Variants in DSG3 observed in about 807,000 individuals in gnomAD.
DSG3 encodes desmoglein 3, also known as desmoglein-3.
A neutral mutation model predicts 85.9 loss-of-function variants in DSG3; 63 were observed. The ratio of observed to expected loss-of-function variants is 0.73; its 90% confidence interval spans 0.60 to 0.90. The LOEUF (loss-of-function observed/expected upper bound fraction) is 0.90, where lower values mean the gene tolerates loss of function less well. Ranked by LOEUF, DSG3 falls within the 40% of genes least tolerant of loss-of-function variation. The pLI is 0.00. For synonymous variants in DSG3, 447 were observed against 441.9 expected (o/e 1.01, Z -0.14); for missense variants, 1,220 against 1,219.9 (o/e 1.00, Z 0.00).
chr18:31,460,743 T>C lies in DSG3; in HGVS notation c.685-90T>C. On this transcript the variant is annotated intron_variant, in intron 6 of 15. Coordinates refer to ENST00000257189, the MANE Select transcript of DSG3 (RefSeq NM_001944.3). ...AATGTCTTCTACATAAAATTGAATA[T>C]TTCTACCTCCTTACCCATAGGAATC... The C allele has an allele frequency of 9.1e-6, 11 of 1,206,794 alleles. 1 individual carries two copies. In the South Asian group the frequency reaches 1.7e-4, roughly 18 times the overall value. 74.8% of individuals were successfully genotyped at this position (1,206,794 alleles called of 1,614,324 possible).
At position 31,465,457 on chromosome 18, in the gene DSG3, G is replaced by A; in HGVS notation, c.1411G>A (p.Glu471Lys). 1.4e-6 allele frequency: 2 copies of A among 1,473,274 alleles called. No homozygotes were observed. The highest frequency in any genetic ancestry group is 1.8e-6 in the Non-Finnish European group (2 of 1,110,930). The allele number at this position is 1,473,274 out of a possible 1,614,324, so 91.3% of individuals were successfully genotyped here. A position where few individuals can be genotyped will look rare whatever the true frequency, so the allele number is the denominator to read the frequency against. The part of the protein sequence containing the change: ...TITAEVLAID[E>K]YTGKTSTGTV... Reference sequence around the variant, plus strand: ...CACAGCTGAGGTTCTGGCCATAGATGGTAAGAAAAATATTTGAATCATTTC... The same window carrying A: ...CACAGCTGAGGTTCTGGCCATAGATAGTAAGAAAAATATTTGAATCATTTC... Residue 471 changes from glutamate (E) to lysine (K), a missense_variant and splice_region_variant, in exon 10 of 16, where the codon GAA becomes AAA. Physicochemically the swap from Glu to Lys is moderately conservative, Grantham distance 56. Transcript: ENST00000257189.
intron 8 of DSG3, 124 bp downstream of exon 8, chr18:31,461,536 T>G (rs780915426): frequency 1.4e-5 from 14 of 967,252 alleles, no homozygotes; most frequent in Non-Finnish European, 2.1e-5. Flanking sequence ...AAAAGTAGAT[T>G]GAATTTTTTG....
At position 31,465,521 on chromosome 18, in the gene DSG3, G is replaced by C. The variant is rs899005929; in HGVS notation, c.1411+64G>C. 1.5e-5 allele frequency: 19 copies of C among 1,267,256 alleles called. No individual in the cohort carries two copies. In the African/African-American group the frequency reaches 2.8e-4, roughly 18 times the overall value. 78.5% of individuals were successfully genotyped at this position (1,267,256 alleles called of 1,614,324 possible). A position where few individuals can be genotyped will look rare whatever the true frequency, so the allele number is the denominator to read the frequency against. On this transcript the variant is annotated intron_variant, in intron 10 of 15. Transcript: ENST00000257189. ...CGTAATTGATGTTTCTTTATGCATAGATGATTATGATTATTCAACATATTA... is the reference window on the plus strand; with the variant it reads ...CGTAATTGATGTTTCTTTATGCATACATGATTATGATTATTCAACATATTA...
intron 5 of DSG3, 103 bp downstream of exon 5, chr18:31,459,280 A>G: frequency 5.3e-6 from 6 of 1,139,064 alleles, no homozygotes; most frequent in Non-Finnish European, 7.4e-6. Context: ...TCTTAGTTTA[A>G]TCAGTAGTTT....
intron 14 of DSG3, 52 bp from the exon 15 acceptor site, chr18:31,474,069 A>G: frequency 1.3e-6 from 2 of 1,557,746 alleles, no homozygotes; most frequent in Middle Eastern, 1.7e-4. Flanking sequence ...TTTTATAAAA[A>G]TGCAACAAAC....
chr18:31,450,042 GCATTTCA>G (rs1302573796), intron 1 of DSG3, among the ~76,000 whole-genome samples: 1 of 152,192 alleles, frequency 6.6e-6, no homozygotes, highest in Non-Finnish European at 1.5e-5. Flanking sequence ...TTGTTAAAAT[GCATTTCA>G]CCTTTTAAAA....
At position 31,460,891 on chromosome 18, in the gene DSG3, C is replaced by T; in HGVS notation, c.743C>T (p.Ser248Leu). The change falls in exon 7 of 16, where the codon TCA becomes TTA. Residue 248 changes from serine to leucine, a missense_variant. Coordinates refer to ENST00000257189, the MANE Select transcript of DSG3 (RefSeq NM_001944.3). ...SGADKDGEGL[S>L]TQCECNIKVK... The stretch of plus-strand genomic sequence containing the variant: ...GCAGACAAAGATGGAGAAGGACTAT[C>T]AACTCAATGTGAATGTAATATTAAA... 1.2e-6 allele frequency: 2 copies of T among 1,604,230 alleles called. No homozygotes were observed. The highest frequency in any genetic ancestry group is 2.3e-5 in the East Asian group (1 of 44,420).
At chr18:31,459,240 AAT>A in intron 5 of DSG3, 63 bp downstream of exon 5, 1 of 1,433,268 alleles carries the variant, frequency 7.0e-7, no homozygotes, top group Admixed American at 2.2e-5. Context: ...GTCCCACTAC[AAT>A]ATGTCATTCT....
Position 31,476,299 on chromosome 18 carries a change from T to C in DSG3, c.*39T>C. 3.8e-6 allele frequency: 6 copies of C among 1,559,658 alleles called. No individual in the cohort carries two copies. The highest frequency in any genetic ancestry group is 5.2e-6 in the Non-Finnish European group (6 of 1,153,896). On this transcript the variant is annotated 3_prime_UTR_variant, in exon 16 of 16. Transcript: ENST00000257189. ...GAATACCACACTGACCAAATCTGGATCTTTGGACTAAAGTATTCAAAATAG... is the reference window on the plus strand; with the variant it reads ...GAATACCACACTGACCAAATCTGGACCTTTGGACTAAAGTATTCAAAATAG...
In DSG3 at chr18:31,447,837, A is replaced by T; in HGVS notation, c.-41A>T. ...TGCAGACGGCTGGCAGGATAGAAGC[A>T]GCGGCTCACTTGGACTTTTTCACCA... is the stretch of plus-strand genomic sequence containing the variant. On this transcript the variant is annotated 5_prime_UTR_variant, in exon 1 of 16. Coordinates refer to ENST00000257189, the MANE Select transcript of DSG3 (RefSeq NM_001944.3). 1 of 1,547,260 alleles carries T rather than the reference A, an allele frequency of 6.5e-7. No individual in the cohort carries two copies. The highest frequency in any genetic ancestry group is 8.8e-7 in the Non-Finnish European group (1 of 1,142,772).
chr18:31,477,031 G>C lies in DSG3; in HGVS notation c.*771G>C, dbSNP rs2072893773. 1 of 151,886 alleles carries C rather than the reference G, an allele frequency of 6.6e-6. No homozygotes were observed. The highest frequency in any genetic ancestry group is 1.5e-5 in the Non-Finnish European group (1 of 68,012). The allele number at this position is 151,886 out of a possible 1,614,324, so 9.4% of individuals were successfully genotyped here. ...AGCATTTTGAGCTGCTTGGAAAAAGGGAAGTAGTTGCAGTAGAGTTTCTTC... is the reference window on the plus strand; with the variant it reads ...AGCATTTTGAGCTGCTTGGAAAAAGCGAAGTAGTTGCAGTAGAGTTTCTTC... On this transcript the variant is annotated 3_prime_UTR_variant, in exon 16 of 16. Coordinates refer to ENST00000257189, the MANE Select transcript of DSG3 (RefSeq NM_001944.3).
chr18:31,458,360 AT>A, intron 3 of DSG3, 84 bp from the exon 4 acceptor site: 2 of 1,378,498 alleles, frequency 1.5e-6, no homozygotes, highest in Non-Finnish European at 2.0e-6. Flanking sequence ...GAATGAACAG[AT>A]GACTTTAGAC....
rs1399028541 is a variant in DSG3 at position 31,476,172 on chromosome 18, G to T, written c.2912G>T (p.Ser971Ile). 8.7e-6 allele frequency: 14 copies of T among 1,614,046 alleles called. No individual in the cohort carries two copies. In the Admixed American group the frequency reaches 2.2e-4, roughly 25 times the overall value. Residue 971 changes from serine (S) to isoleucine (I), a missense_variant, in exon 16 of 16, where the codon AGT becomes ATT. Transcript: ENST00000257189. The part of the protein sequence containing the change: ...VTERVICPIS[S>I]VPGNLAGPTQ... ...GAAAGGGTGATCTGTCCCATTTCCA[G>T]TGTTCCTGGCAACCTAGCTGGCCCA...
intron 8 of DSG3, among the ~76,000 whole-genome samples, chr18:31,462,791 T>A (rs1359219002): frequency 6.6e-6 from 1 of 152,180 alleles, no homozygotes; most frequent in Non-Finnish European, 1.5e-5. Flanking sequence ...TCCCTACCTC[T>A]TGTCTCCATT....
At position 31,469,122 on chromosome 18, in the gene DSG3, T is replaced by C; in HGVS notation, c.1670T>C (p.Ile557Thr). The C allele has an allele frequency of 6.2e-7, 1 of 1,614,180 alleles. No homozygotes were observed. Among genetic ancestry groups the C allele is most frequent in the Non-Finnish European group, 8.5e-7 (1 of 1,180,002 alleles). The change falls in exon 12 of 16, where the codon ATA (isoleucine) becomes ACA (threonine). Residue 557 changes from isoleucine to threonine, a missense_variant. By Grantham distance (89) the Ile-to-Thr change is moderately conservative. Coordinates refer to ENST00000257189, the MANE Select transcript of DSG3 (RefSeq NM_001944.3). Reference sequence around the variant, plus strand: ...GCCCTCCTCAGAGCCCAGGAACAGATACCTCCTGGAGTATACCACATCTCC... The same window carrying C: ...GCCCTCCTCAGAGCCCAGGAACAGACACCTCCTGGAGTATACCACATCTCC... ...TSALLRAQEQ[I>T]PPGVYHISLV...
intron 1 of DSG3, among the ~76,000 whole-genome samples, chr18:31,451,572 G>T (rs2072711915): frequency 1.3e-5 from 2 of 152,106 alleles, no homozygotes; most frequent in African/African-American, 4.8e-5. Context: ...TTAACAAAAT[G>T]AAAAATCTCT....
intron 6 of DSG3, 122 bp downstream of exon 6, chr18:31,460,133 G>A: frequency 9.6e-7 from 1 of 1,036,610 alleles, no homozygotes; most frequent in Admixed American, 2.9e-5. Flanking sequence ...TACTTAACTT[G>A]GCTAATCTAG....
chr18:31,458,748 C>A, intron 4 of DSG3, 148 bp downstream of exon 4: 2 of 995,438 alleles, frequency 2.0e-6, no homozygotes, highest in Non-Finnish European at 2.9e-6. Context: ...CTCCACAGAG[C>A]CTCGCCTGAG....
chr18:31,466,426 A>AGTGT (rs2072818333), intron 10 of DSG3, 104 bp from the exon 11 acceptor site: 4 of 925,384 alleles, frequency 4.3e-6, no homozygotes, highest in Non-Finnish European at 6.7e-6. Context: ...TTTCATGAGA[A>AGTGT]GACACACTGA....
Sources: allele counts gnomAD v4.1 joint callset (sites outside exome capture counted in the v4.1 genomes callset), GRCh38; gene constraint gnomAD v4.1.1; transcripts MANE v1.5; gene names NCBI Gene and HGNC (gene_info 2026-07-23, HGNC 2026-07-21).